Variants in GRIN2D observed in about 807,000 individuals in gnomAD.
The protein encoded by GRIN2D is glutamate receptor ionotropic, NMDA 2D.
Under a neutral mutation model 103.2 loss-of-function variants are expected in GRIN2D, and 37 were observed. The ratio of observed to expected loss-of-function variants is 0.36; its 90% CI spans 0.28 to 0.47. GRIN2D has a LOEUF of 0.47. Ranked by LOEUF, GRIN2D falls within the 20% of genes least tolerant of loss-of-function variation. The probability of loss-of-function intolerance (pLI) is 1.00; values close to 1 mark genes in which losing one functional copy is unlikely to be tolerated. For synonymous variants in GRIN2D, 845 were observed against 885.6 expected (o/e 0.95, Z 0.81); for missense variants, 1,557 against 1,910.6 (o/e 0.81, Z 3.45).
At chr19:48,433,146 T>C (rs1001031143) in intron 11 of GRIN2D, among the ~76,000 whole-genome samples, 3 of 146,828 alleles carry the variant, frequency 2.0e-5, no homozygotes, top group Admixed American at 2.0e-4. Flanking sequence ...GAAGGGCGGA[T>C]TGCCTGAGGT....
intron 4 of GRIN2D, among the ~76,000 whole-genome samples, chr19:48,408,530 A>G (rs1421645096): frequency 2.0e-5 from 3 of 151,492 alleles, no homozygotes; most frequent in African/African-American, 4.8e-5. Flanking sequence ...AATTTAAGAA[A>G]TAGGTAGGCA....
chr19:48,442,327 T>G lies in GRIN2D; in HGVS notation c.2618T>G (p.Leu873Arg), dbSNP rs766648370. The change falls in exon 13 of 14, where the codon CTG becomes CGG. Residue 873 changes from leucine (L) to arginine (R), a missense_variant. Transcript: ENST00000263269. The surrounding 1 kb of genome is among the most constrained non-coding windows in gnomAD (Gnocchi z 7.2). The part of the protein sequence containing the change: ...FAWEHLVYWR[L>R]RHCLGPTHRM... ...TGGGAGCACCTGGTGTACTGGCGCC[T>G]GCGGCACTGCCTGGGGCCCACCCAC... 1.2e-6 allele frequency: 2 copies of G among 1,613,722 alleles called. No individual in the cohort carries two copies. Among genetic ancestry groups the G allele is most frequent in the Non-Finnish European group, 1.7e-6 (2 of 1,179,972 alleles).
chr19:48,442,928 A>C lies in GRIN2D; in HGVS notation c.3002A>C (p.Gln1001Pro), dbSNP rs1971319105. The stretch of plus-strand genomic sequence containing the variant: ...TCCCCGCCGGCCGCTCAGCCCCCGC[A>C]GAAGCCGCCGCCCTCCTATTTCGCC... ...PLSPPAAQPP[Q>P]KPPPSYFAIV... Residue 1001 changes from glutamine (Q) to proline (P), a missense_variant, in exon 14 of 14, where the codon CAG becomes CCG. Coordinates refer to ENST00000263269, the MANE Select transcript of GRIN2D (RefSeq NM_000836.4). The surrounding 1 kb of genome is among the most constrained non-coding windows in gnomAD (Gnocchi z 7.2). 4.4e-6 allele frequency: 5 copies of C among 1,129,500 alleles called. No individual in the cohort carries two copies. The highest frequency in any genetic ancestry group is 4.4e-6 in the Non-Finnish European group (4 of 917,100). 70.0% of individuals were successfully genotyped at this position (1,129,500 alleles called of 1,614,324 possible).
Position 48,442,249 on chromosome 19 carries a change from G to A in GRIN2D, c.2540G>A (p.Gly847Asp). 6.2e-7 allele frequency: 1 copy of A among 1,614,202 alleles called. No homozygotes were observed. Among genetic ancestry groups the A allele is most frequent in the East Asian group, 2.2e-5 (1 of 44,888 alleles). The change falls in exon 13 of 14, where the codon GGC becomes GAC. Residue 847 changes from glycine (G) to aspartate (D), a missense_variant. Transcript: ENST00000263269. This position sits in a 1 kb window ranked among gnomAD's most constrained non-coding sequence, Gnocchi z 7.2. Reference sequence around the variant, plus strand: ...AAGCTGGACATCGACAACATGGCGGGCGTCTTCTACATGCTCCTGGTGGCC... The same window carrying A: ...AAGCTGGACATCGACAACATGGCGGACGTCTTCTACATGCTCCTGGTGGCC... The part of the protein sequence containing the change: ...SSKLDIDNMA[G>D]VFYMLLVAMG...
chr19:48,398,451 T>C lies in GRIN2D; in HGVS notation c.59T>C (p.Leu20Pro). 1 of 1,094,008 alleles carries C rather than the reference T, an allele frequency of 9.1e-7. No homozygotes were observed. Among genetic ancestry groups the C allele is most frequent in the Non-Finnish European group, 1.1e-6 (1 of 900,778 alleles). The allele number at this position is 1,094,008 out of a possible 1,614,324, so 67.8% of individuals were successfully genotyped here. The change falls in exon 3 of 14, where the codon CTG (leucine) becomes CCG (proline). Residue 20 changes from leucine to proline, a missense_variant. By Grantham distance (98) the Leu-to-Pro change is moderately conservative (BLOSUM62 -3). Around this residue, in one of 7 missense-constraint regions of GRIN2D, gnomAD observed 490 missense variants for 601.1 expected, o/e 0.82. Coordinates refer to ENST00000263269, the MANE Select transcript of GRIN2D (RefSeq NM_000836.4). ...GGCCCCGCTAAGATGCTGCTGCTGCTGGCGCTGGCCTGCGCCAGCCCGTTC... is the reference window on the plus strand; with the variant it reads ...GGCCCCGCTAAGATGCTGCTGCTGCCGGCGCTGGCCTGCGCCAGCCCGTTC... The part of the protein sequence containing the change: ...PRGPAKMLLL[L>P]ALACASPFPE...
At chr19:48,426,688 G>A (rs1332353543) in intron 11 of GRIN2D, among the ~76,000 whole-genome samples, 3 of 151,696 alleles carry the variant, frequency 2.0e-5, no homozygotes, top group Admixed American at 1.3e-4. Flanking sequence ...AGGTTCAGGC[G>A]ATTCTCCTGC....
Position 48,394,623 on chromosome 19 carries a change from G to A in GRIN2D, c.-305-35G>A, listed in dbSNP as rs570783575. Among the ~76,000 whole-genome samples, 9 of 152,260 alleles carry A rather than the reference G, an allele frequency of 5.9e-5. No homozygotes were observed. The South Asian group carries it at 1.5e-3, about 25-fold the overall frequency. On this transcript the variant is annotated intron_variant, in intron 1 of 13. Coordinates refer to ENST00000263269, the MANE Select transcript of GRIN2D (RefSeq NM_000836.4). The surrounding 1 kb of genome is among the most constrained non-coding windows in gnomAD (Gnocchi z 5.1). Reference sequence around the variant, plus strand: ...GGTCGGGGCGGCAAGAGGACACCCCGACAGCCTCTGCAATGTCCGGGGCCC... The same window carrying A: ...GGTCGGGGCGGCAAGAGGACACCCCAACAGCCTCTGCAATGTCCGGGGCCC...
chr19:48,402,723 CAAAAAAAAAAA>C (rs773669453), intron 3 of GRIN2D, among the ~76,000 whole-genome samples: 7 of 43,126 alleles, frequency 1.6e-4, no homozygotes, highest in African/African-American at 3.2e-4. Flanking sequence ...GACTCCGTCT[CAAAAAAAAAAA>C]AAAAAAAAAA....
In GRIN2D at chr19:48,442,395, G is replaced by A. The variant is rs1217668925; in HGVS notation, c.2673+13G>A. On this transcript the variant is annotated intron_variant, in intron 13 of 13. Transcript: ENST00000263269. This position sits in a 1 kb window ranked among gnomAD's most constrained non-coding sequence, Gnocchi z 7.2. ...GGCCTTCTCCAGGGTATGGGGCAGA[G>A]AGGGAGGCAGAGAGGGGGAGATGGC... 2 of 1,599,538 alleles carry A rather than the reference G, an allele frequency of 1.3e-6. No individual in the cohort carries two copies. The highest frequency in any genetic ancestry group is 1.7e-6 in the Non-Finnish European group (2 of 1,172,764).
At position 48,414,912 on chromosome 19, in the gene GRIN2D, C is replaced by T. The variant is rs990590030; in HGVS notation, c.1461C>T (p.Phe487=). 1 of 1,614,054 alleles carries T rather than the reference C, an allele frequency of 6.2e-7. No individual in the cohort carries two copies. Among genetic ancestry groups the T allele is most frequent in the African/African-American group, 1.3e-5 (1 of 74,932 alleles). Residue 487 remains phenylalanine (F), a synonymous_variant, in exon 7 of 14, where the codon TTC becomes TTT. Coordinates refer to ENST00000263269, the MANE Select transcript of GRIN2D (RefSeq NM_000836.4). The surrounding 1 kb of genome is among the most constrained non-coding windows in gnomAD (Gnocchi z 4.6). The part of the protein sequence containing the change: ...PRPEKRCCKG[F]CIDILKRLAH... ...CGGAAAAGCGCTGCTGCAAGGGTTT[C>T]TGCATCGACATTCTGAAGCGGCTGG...
At position 48,421,966 on chromosome 19, in the gene GRIN2D, G is replaced by T. The variant is rs766581322; in HGVS notation, c.2252+21G>T. ...GCAGGGTCAGCGCAGACTCGGGCCG[G>T]GGGTGGGGGTTGGGCCGCTGGGGAC... On this transcript the variant is annotated intron_variant, in intron 11 of 13. Transcript: ENST00000263269. This position sits in a 1 kb window ranked among gnomAD's most constrained non-coding sequence, Gnocchi z 4.8. The T allele has an allele frequency of 1.2e-6, 2 of 1,610,626 alleles. No homozygotes were observed. The highest frequency in any genetic ancestry group is 2.2e-5 in the South Asian group (2 of 90,926).
intron 4 of GRIN2D, among the ~76,000 whole-genome samples, chr19:48,410,527 C>CAAAAAAAAAAA (rs4009666): frequency 8.8e-5 from 4 of 45,422 alleles, no homozygotes; most frequent in African/African-American, 2.7e-4. Context: ...GACTCTGACT[C>CAAAAAAAAAAA]AAAAAAAAAA....
rs1052994699 is a variant in GRIN2D at position 48,393,993 on chromosome 19, G to A, written c.-306+125G>A. On this transcript the variant is annotated intron_variant, in intron 1 of 13. Coordinates refer to ENST00000263269, the MANE Select transcript of GRIN2D (RefSeq NM_000836.4). This position sits in a 1 kb window ranked among gnomAD's most constrained non-coding sequence, Gnocchi z 5.6. The stretch of plus-strand genomic sequence containing the variant: ...GTACCGACCCTGAGCTGCCTGCCTG[G>A]GTGTCGTGGGGCTCCCGCTCCTTCC... Among the ~76,000 whole-genome samples the A allele has an allele frequency of 7.2e-5, 11 of 152,216 alleles. 1 individual carries two copies. The highest frequency in any genetic ancestry group is 2.6e-4 in the African/African-American group (11 of 41,534).
At position 48,414,112 on chromosome 19, in the gene GRIN2D, C is replaced by T. The variant is rs769984066; in HGVS notation, c.1200+7C>T. 12 of 1,515,972 alleles carry T rather than the reference C, an allele frequency of 7.9e-6. No homozygotes were observed. The Admixed American group carries it at 1.0e-4, about 13-fold the overall frequency. 93.9% of individuals were successfully genotyped at this position (1,515,972 alleles called of 1,614,324 possible). ...AGACAGGACGTGGGAGGTGGTGAGT[C>T]GTAGCCCCAGACCTCAGGCATGGCA... On this transcript the variant is annotated splice_region_variant and intron_variant, in intron 5 of 13. Coordinates refer to ENST00000263269, the MANE Select transcript of GRIN2D (RefSeq NM_000836.4). The surrounding 1 kb of genome is among the most constrained non-coding windows in gnomAD (Gnocchi z 4.6).
chr19:48,421,811 G>A lies in GRIN2D; in HGVS notation c.2118G>A (p.Pro706=), dbSNP rs768616486. 91 of 1,613,836 alleles carry A rather than the reference G, an allele frequency of 5.6e-5. No homozygotes were observed. The highest frequency in any genetic ancestry group is 6.6e-5 in the Non-Finnish European group (78 of 1,179,960). The part of the protein sequence containing the change: ...RKFQRPQEQY[P]PLKFGTVPNG... ...TCCAGAGGCCCCAGGAGCAGTACCC[G>A]CCCCTGAAGTTTGGGACCGTGCCCA... Residue 706 remains proline, a synonymous_variant, in exon 11 of 14, where the codon CCG becomes CCA. Coordinates refer to ENST00000263269, the MANE Select transcript of GRIN2D (RefSeq NM_000836.4). The surrounding 1 kb of genome is among the most constrained non-coding windows in gnomAD (Gnocchi z 4.8).
At chr19:48,408,064 G>T (rs1270387203) in intron 4 of GRIN2D, among the ~76,000 whole-genome samples, 1 of 152,150 alleles carries the variant, frequency 6.6e-6, no homozygotes, top group African/African-American at 2.4e-5. Flanking sequence ...GCCGGGCGTG[G>T]TGGCTCACAC....
chr19:48,402,360 C>A (rs995743249), intron 3 of GRIN2D, among the ~76,000 whole-genome samples: 1 of 151,904 alleles, frequency 6.6e-6, no homozygotes, highest in Non-Finnish European at 1.5e-5. Flanking sequence ...AGGTTTGGGG[C>A]CTGAGCATCA....
intron 10 of GRIN2D, among the ~76,000 whole-genome samples, chr19:48,420,288 C>T (rs943188993): frequency 1.3e-5 from 2 of 151,566 alleles, no homozygotes; most frequent in East Asian, 2.0e-4. Context: ...ATTAGCCGGG[C>T]GTGGTGACAG....
chr19:48,414,210 G>C lies in GRIN2D; in HGVS notation c.1200+105G>C. The C allele has an allele frequency of 1.1e-6, 1 of 897,536 alleles. No homozygotes were observed. The highest frequency in any genetic ancestry group is 1.8e-6 in the Non-Finnish European group (1 of 559,308). 55.6% of individuals were successfully genotyped at this position (897,536 alleles called of 1,614,324 possible). On this transcript the variant is annotated intron_variant, in intron 5 of 13. Coordinates refer to ENST00000263269, the MANE Select transcript of GRIN2D (RefSeq NM_000836.4). The surrounding 1 kb of genome is among the most constrained non-coding windows in gnomAD (Gnocchi z 4.6). The stretch of plus-strand genomic sequence containing the variant: ...GGACTAAGAGGGAGGAGGGGACAAG[G>C]AGCCTGGACTCCTGGGTCCTGGGAT...
Sources: allele counts gnomAD v4.1 joint callset (sites outside exome capture counted in the v4.1 genomes callset), GRCh38; gene constraint gnomAD v4.1.1; regional missense constraint gnomAD v4.1.1; non-coding constraint Gnocchi (gnomAD v3.1); transcripts MANE v1.5; gene names NCBI Gene and HGNC (gene_info 2026-07-23, HGNC 2026-07-21).